The following WTAP variants were observed in gnomAD, a reference collection of about 807,000 sequenced individuals.
WTAP encodes the protein WT1 associated protein.
Under a neutral mutation model 50.0 loss-of-function variants are expected in WTAP, and 8 were observed. The observed-to-expected ratio is 0.16, with a 90% CI of 0.09 to 0.29. The LOEUF is 0.29. Among genes scored for constraint, WTAP ranks in the 10% least tolerant of loss-of-function variants. WTAP has a pLI of 1.00. For synonymous variants in WTAP, 194 were observed against 169.0 expected, an observed-to-expected ratio of 1.15 and a Z score of -1.15; for missense variants, 295 against 470.7, an observed-to-expected ratio of 0.63 and a Z score of 3.45.
intron 6 of WTAP, among the ~76,000 whole-genome samples, chr6:159,751,122 A>G (rs777982687): frequency 6.6e-6 from 1 of 152,186 alleles, no homozygotes; most frequent in Non-Finnish European, 1.5e-5. Context: ...ATTTTAAAAA[A>G]TTATTTCAAA....
At chr6:159,752,752 C>G (rs1041461973) in intron 6 of WTAP, among the ~76,000 whole-genome samples, 2 of 151,960 alleles carry the variant, frequency 1.3e-5, no homozygotes, top group Admixed American at 1.3e-4. Context: ...AGAAAACTTC[C>G]CTCTCTCCTC....
chr6:159,749,337 G>C, intron 6 of WTAP: 1 of 985,520 alleles, frequency 1.0e-6, no homozygotes, highest in Non-Finnish European at 1.2e-6. Flanking sequence ...TTTGTCGTTG[G>C]TGTTAATGGG....
In WTAP at chr6:159,748,079, G is replaced by C; in HGVS notation, c.274-112G>C. 7.7e-7 allele frequency: 1 copy of C among 1,297,536 alleles called. No individual in the cohort carries two copies. The allele number at this position is 1,297,536 out of a possible 1,614,324, so 80.4% of individuals were successfully genotyped here. ...CTAGAGAATTTCAGGATCAAAGAGG[G>C]GAGGAGCTTAATGAAAGAGTTGGTA... On this transcript the variant is annotated intron_variant, in intron 5 of 7. Coordinates refer to ENST00000621533, the MANE Select transcript of WTAP (RefSeq NM_001270531.2). The surrounding 1 kb of genome is among the most constrained non-coding windows in gnomAD (Gnocchi z 5.6).
chr6:159,738,131 A>G (rs1050450792), intron 2 of WTAP, among the ~76,000 whole-genome samples: 1 of 152,234 alleles, frequency 6.6e-6, no homozygotes, highest in Non-Finnish European at 1.5e-5. Flanking sequence ...GAAGAGCTAT[A>G]TGCACTATTA....
intron 5 of WTAP, among the ~76,000 whole-genome samples, chr6:159,744,440 A>G (rs1779445424): frequency 6.6e-6 from 1 of 152,184 alleles, no homozygotes; most frequent in African/African-American, 2.4e-5. Flanking sequence ...TTCATTTGGT[A>G]CATATAGAAG....
intron 1 of WTAP, among the ~76,000 whole-genome samples, chr6:159,730,346 G>A (rs1187700203): frequency 6.6e-6 from 1 of 152,058 alleles, no homozygotes; most frequent in Non-Finnish European, 1.5e-5. Context: ...CTGTTTTTCT[G>A]ATACGAGAAT....
upstream of WTAP, chr6:159,727,118 G>T: frequency 1.7e-6 from 2 of 1,193,676 alleles, no homozygotes; most frequent in South Asian, 3.0e-5. Context: ...CCCCTCGGCC[G>T]CTTCCCTTAC....
rs552505523 is a variant in WTAP, at chr6:159,742,040, A to G, written c.87-48A>G. On this transcript the variant is annotated intron_variant, in intron 3 of 7. Coordinates refer to ENST00000621533, the MANE Select transcript of WTAP (RefSeq NM_001270531.2). ...TTATAGATATCTTCTAGTTTATTTA[A>G]TAAACTATTTTATCGTAACAACTAA... 9 of 1,331,630 alleles carry G rather than the reference A, an allele frequency of 6.8e-6. No homozygotes were observed. The South Asian group carries it at 1.1e-4, about 17-fold the overall frequency. The allele number at this position is 1,331,630 out of a possible 1,614,324, so 82.5% of individuals were successfully genotyped here.
chr6:159,753,643 T>C, intron 7 of WTAP, 29 bp downstream of exon 7: 1 of 1,580,672 alleles, frequency 6.3e-7, no homozygotes, highest in Non-Finnish European at 8.6e-7. Flanking sequence ...TTTGGAACGT[T>C]GTCTCAACTT....
intron 3 of WTAP, among the ~76,000 whole-genome samples, chr6:159,739,513 T>C (rs1054528051): frequency 6.6e-6 from 1 of 152,232 alleles, no homozygotes; most frequent in African/African-American, 2.4e-5. Flanking sequence ...TCTGCGGTTA[T>C]CTTGTAAATG....
intron 1 of WTAP, among the ~76,000 whole-genome samples, chr6:159,732,701 G>A (rs1387020613): frequency 1.3e-5 from 2 of 152,124 alleles, no homozygotes; most frequent in Non-Finnish European, 2.9e-5. Flanking sequence ...GCAGGCACCT[G>A]TAATCTCAGC....
chr6:159,755,846 C>G lies in WTAP; in HGVS notation c.*235C>G. 1 of 605,750 alleles carries G rather than the reference C, an allele frequency of 1.7e-6. No homozygotes were observed. Among genetic ancestry groups the G allele is most frequent in the Non-Finnish European group, 2.3e-6 (1 of 444,328 alleles). 37.5% of individuals were successfully genotyped at this position (605,750 alleles called of 1,614,324 possible). A position where few individuals can be genotyped will look rare whatever the true frequency, so the allele number is the denominator to read the frequency against. ...TAACAGTTAATTACTTTGAATGTTGCTAAAAGGACATTTTGTGTAGGGTCA... is the reference window on the plus strand; with the variant it reads ...TAACAGTTAATTACTTTGAATGTTGGTAAAAGGACATTTTGTGTAGGGTCA... On this transcript the variant is annotated 3_prime_UTR_variant, in exon 8 of 8. Coordinates refer to ENST00000621533, the MANE Select transcript of WTAP (RefSeq NM_001270531.2).
upstream of WTAP, chr6:159,727,160 TCG>T: frequency 8.4e-7 from 1 of 1,195,594 alleles, no homozygotes; most frequent in Non-Finnish European, 1.1e-6. Context: ...CCCGCGGAGC[TCG>T]CGCCAGGCTC....
Position 159,733,110 on chromosome 6 carries a change from G to A in WTAP, c.-8-3148G>A, listed in dbSNP as rs73802947. Reference sequence around the variant, plus strand: ...GCCACCAGGTTAAGGTAGTTACAAAGCAGCTTTCTGTAATGGCAGCAGAGA... The same window carrying A: ...GCCACCAGGTTAAGGTAGTTACAAAACAGCTTTCTGTAATGGCAGCAGAGA... On this transcript the variant is annotated intron_variant, in intron 1 of 7. Transcript: ENST00000621533. Among the ~76,000 whole-genome samples the A allele has an allele frequency of 1.0e-2, 1,515 of 152,164 alleles. 22 individuals carry two copies. Among genetic ancestry groups the A allele is most frequent in the Middle Eastern group, 0.034 (10 of 294 alleles).
At chr6:159,739,598 CTG>C (rs1779121195) in intron 3 of WTAP, among the ~76,000 whole-genome samples, 1 of 152,058 alleles carries the variant, frequency 6.6e-6, no homozygotes, top group Non-Finnish European at 1.5e-5. Context: ...GTAGGATGTT[CTG>C]TGTTTTGTAA....
chr6:159,732,457 T>C (rs1778631736), intron 1 of WTAP, among the ~76,000 whole-genome samples: 1 of 152,222 alleles, frequency 6.6e-6, no homozygotes, highest in Admixed American at 6.5e-5. Flanking sequence ...TTTATGTTCG[T>C]ATATACATAG....
At chr6:159,743,256 A>G (rs1199063317) in intron 4 of WTAP, among the ~76,000 whole-genome samples, 1 of 152,198 alleles carries the variant, frequency 6.6e-6, no homozygotes, top group African/African-American at 2.4e-5. Context: ...CGTGTTGGTT[A>G]GGCTGGTCTG....
intron 6 of WTAP, among the ~76,000 whole-genome samples, chr6:159,750,411 A>G (rs1344810610): frequency 6.6e-6 from 1 of 152,218 alleles, no homozygotes; most frequent in East Asian, 1.9e-4. Context: ...GCTTATGTAT[A>G]AAATTGAAAT....
chr6:159,749,440 TTA>T (rs1374867949), intron 6 of WTAP: 1 of 965,604 alleles, frequency 1.0e-6, no homozygotes, highest in Non-Finnish European at 1.2e-6. Flanking sequence ...TTTTTTTTTT[TTA>T]AGTTCAAAGA....
Sources: gnomAD v4.1 joint callset for allele counts (sites outside exome capture counted in the v4.1 genomes callset) on GRCh38, gnomAD v4.1.1 for gene constraint, Gnocchi (gnomAD v3.1) non-coding constraint, MANE v1.5 for transcripts, NCBI Gene and HGNC (gene_info 2026-07-23, HGNC 2026-07-21) for gene names.